SLC2A2: variants seen among roughly 807,000 people sequenced by gnomAD.
SLC2A2 encodes the protein solute carrier family 2 member 2, also known as solute carrier family 2, facilitated glucose transporter member 2.
In SLC2A2, 36 loss-of-function variants were observed where a neutral mutation model predicts 54.5. The ratio of observed to expected loss-of-function variants is 0.66; its 90% CI spans 0.51 to 0.87. The LOEUF is 0.87. Among genes scored for constraint, SLC2A2 ranks in the 40% least tolerant of loss-of-function variants. The pLI is 0.00. For missense variants in SLC2A2, 543 were observed against 624.3 expected (o/e 0.87, Z 1.39); for synonymous variants, 223 against 219.1 (o/e 1.02, Z -0.16).
intron 6 of SLC2A2, 135 bp from the exon 7 acceptor site, chr3:171,005,607 T>C (rs1576829533): frequency 1.4e-6 from 1 of 724,256 alleles, no homozygotes; most frequent in African/African-American, 1.8e-5. Context: ...AAATTCTTTT[T>C]TTGTTAAATT....
At chr3:171,003,458 G>A (rs1715439099) in intron 7 of SLC2A2, among the ~76,000 whole-genome samples, 1 of 151,350 alleles carries the variant, frequency 6.6e-6, no homozygotes, top group Non-Finnish European at 1.5e-5. Context: ...GAGGGTGGGA[G>A]GCGGGTGTAA....
At chr3:171,014,091 GT>G in intron 3 of SLC2A2, among the ~76,000 whole-genome samples, 1 of 152,354 alleles carries the variant, frequency 6.6e-6, no homozygotes. Flanking sequence ...TTGAGACATA[GT>G]GTGATTTGGT....
chr3:171,009,951 G>T lies in SLC2A2; in HGVS notation c.496+7C>A. ...TGTGTGTGTGTGTGTGTGTGTGTGT[G>T]ACTTACCACAATATAGTCCTGATAT... On this transcript the variant is annotated splice_region_variant and intron_variant, in intron 4 of 10. Coordinates refer to ENST00000314251, the MANE Select transcript of SLC2A2 (RefSeq NM_000340.2). 2 of 1,567,300 alleles carry T rather than the reference G, an allele frequency of 1.3e-6. No homozygotes were observed. Among genetic ancestry groups the T allele is most frequent in the South Asian group, 1.1e-5 (1 of 88,124 alleles).
In SLC2A2 at chr3:171,010,034, GA is replaced by G. The variant is rs776307487; in HGVS notation, c.419del (p.Leu140ProfsTer2). On this transcript the variant is annotated frameshift_variant, in exon 4 of 11. Coordinates refer to ENST00000314251, the MANE Select transcript of SLC2A2 (RefSeq NM_000340.2). LOFTEE classifies it high-confidence loss of function. ...GTCCCAATTTTGAAAACCCCATCAA[GA>G]GAGCTCCAACTAATGACAGAATGTT... is the stretch of plus-strand genomic sequence containing the variant. ...VANILSLVGA[L>X]LMGFSKLGPS... 2 of 1,612,574 alleles carry G rather than the reference GA, an allele frequency of 1.2e-6. No individual in the cohort carries two copies. Among genetic ancestry groups the G allele is most frequent in the African/African-American group, 1.3e-5 (1 of 74,794 alleles).
chr3:171,007,743 T>C (rs1460256080), intron 4 of SLC2A2, among the ~76,000 whole-genome samples: 1 of 151,916 alleles, frequency 6.6e-6, no homozygotes, highest in Non-Finnish European at 1.5e-5. Context: ...CCTATCTGAA[T>C]TTCCACAACG....
intron 1 of SLC2A2, among the ~76,000 whole-genome samples, chr3:171,025,912 A>G (rs1023485962): frequency 6.6e-6 from 1 of 152,010 alleles, no homozygotes; most frequent in African/African-American, 2.4e-5. Context: ...TCATTCCATA[A>G]CCTTCGCCTT....
In SLC2A2 at chr3:171,002,698, G is replaced by A. The variant is rs1205796574; in HGVS notation, c.964-18C>T. 1 of 1,431,692 alleles carries A rather than the reference G, an allele frequency of 7.0e-7. No individual in the cohort carries two copies. Among genetic ancestry groups the A allele is most frequent in the Non-Finnish European group, 9.8e-7 (1 of 1,021,184 alleles). 88.7% of individuals were successfully genotyped at this position (1,431,692 alleles called of 1,614,324 possible). A position where few individuals can be genotyped will look rare whatever the true frequency, so the allele number is the denominator to read the frequency against. On this transcript the variant is annotated intron_variant, in intron 7 of 10. Transcript: ENST00000314251. ...TAAAAAATCTGCAAAGTAAAAACAG[G>A]TTAGCCTTAATCTTAAGAAGTCTGG...
chr3:171,006,604 T>C (rs1715614846), intron 5 of SLC2A2, among the ~76,000 whole-genome samples: 1 of 151,980 alleles, frequency 6.6e-6, no homozygotes, highest in Admixed American at 6.6e-5. Flanking sequence ...TCTTGGCGAT[T>C]CCTATGGCAA....
chr3:171,009,730 G>A (rs1370931524), intron 4 of SLC2A2, among the ~76,000 whole-genome samples: 1 of 152,014 alleles, frequency 6.6e-6, no homozygotes, highest in East Asian at 1.9e-4. Context: ...AACTAGAAAT[G>A]ATGTCATTGC....
intron 3 of SLC2A2, among the ~76,000 whole-genome samples, chr3:171,012,643 A>T (rs1715947229): frequency 6.6e-6 from 1 of 152,026 alleles, no homozygotes; most frequent in Non-Finnish European, 1.5e-5. Context: ...TTACATTTTT[A>T]TTTATTTACT....
At position 171,017,294 on chromosome 3, in the gene SLC2A2, T is replaced by A. The variant is rs1490270785; in HGVS notation, c.108+1237A>T. 2.6e-5 allele frequency among the ~76,000 whole-genome samples: 4 copies of A among 152,190 alleles called. No homozygotes were observed. The East Asian group carries it at 7.7e-4, about 29-fold the overall frequency. On this transcript the variant is annotated intron_variant, in intron 2 of 10. Transcript: ENST00000314251. ...CCTGCTAAATTGGCATGTGTTGTCA[T>A]CACCCACACAAAAAAGATATGACCC...
At chr3:171,010,785 A>AGG (rs1445955100) in intron 3 of SLC2A2, among the ~76,000 whole-genome samples, 3 of 152,142 alleles carry the variant, frequency 2.0e-5, no homozygotes, top group Non-Finnish European at 2.9e-5. Context: ...ATTATTAGTG[A>AGG]CCAATGTAAA....
intron 8 of SLC2A2, among the ~76,000 whole-genome samples, chr3:171,001,536 T>G (rs996005710): frequency 2.0e-5 from 3 of 152,172 alleles, no homozygotes; most frequent in East Asian, 1.9e-4. Context: ...TTGATCACCC[T>G]AAGGTAATAG....
intron 2 of SLC2A2, 141 bp downstream of exon 2, chr3:171,018,390 A>AAC: frequency 1.4e-6 from 1 of 738,484 alleles, no homozygotes; most frequent in African/African-American, 1.7e-5. Flanking sequence ...TCAGCTTTGG[A>AAC]ACAGTGCACA....
At chr3:171,015,734 C>T (rs934258589) in intron 2 of SLC2A2, among the ~76,000 whole-genome samples, 11 of 151,934 alleles carry the variant, frequency 7.2e-5, no homozygotes, top group African/African-American at 2.4e-4. Flanking sequence ...GGAAAACAAC[C>T]GGGTATATTA....
At chr3:171,003,190 A>G (rs1439033929) in intron 7 of SLC2A2, among the ~76,000 whole-genome samples, 2 of 152,004 alleles carry the variant, frequency 1.3e-5, no homozygotes, top group African/African-American at 4.8e-5. Context: ...CATAATATGT[A>G]TCATTTTGTG....
intron 4 of SLC2A2, among the ~76,000 whole-genome samples, chr3:171,009,533 G>A (rs953236388): frequency 1.3e-5 from 2 of 151,974 alleles, no homozygotes; most frequent in African/African-American, 4.8e-5. Context: ...GTCTCCCACT[G>A]TCTGCTATAC....
chr3:171,019,581 G>T (rs1294998207), intron 1 of SLC2A2, among the ~76,000 whole-genome samples: 2 of 152,022 alleles, frequency 1.3e-5, no homozygotes, highest in African/African-American at 4.8e-5. Flanking sequence ...GCATTTTTTT[G>T]TGCATGTGAT....
Position 171,014,631 on chromosome 3 carries a change from A to C in SLC2A2, c.209T>G (p.Ile70Ser). Reference sequence around the variant, plus strand: ...TGGTTTTGGGTTCATTGAGTATGAGATTGTGGGCAGTTCATCTGTACTGTT... The same window carrying C: ...TGGTTTTGGGTTCATTGAGTATGAGCTTGTGGGCAGTTCATCTGTACTGTT... ...VINSTDELPTISYSMNPKPTP... is the reference protein window; with the variant it reads ...VINSTDELPTSSYSMNPKPTP... The change falls in exon 3 of 11, where the codon ATC (isoleucine) becomes AGC (serine). Residue 70 changes from isoleucine (I) to serine (S), a missense_variant. Ile to Ser is a moderately radical substitution (Grantham distance 142, BLOSUM62 -2). Around this residue, in one of 3 missense-constraint regions of SLC2A2, gnomAD observed 318 missense variants for 343.8 expected, o/e 0.93. Coordinates refer to ENST00000314251, the MANE Select transcript of SLC2A2 (RefSeq NM_000340.2). 1 of 1,614,052 alleles carries C rather than the reference A, an allele frequency of 6.2e-7. No individual in the cohort carries two copies. Among genetic ancestry groups the C allele is most frequent in the South Asian group, 1.1e-5 (1 of 91,072 alleles).
Sources: gnomAD v4.1 joint callset for allele counts (sites outside exome capture counted in the v4.1 genomes callset) on GRCh38, gnomAD v4.1.1 for gene constraint, gnomAD v4.1.1 regional missense constraint, MANE v1.5 for transcripts, NCBI Gene and HGNC (gene_info 2026-07-23, HGNC 2026-07-21) for gene names.